The following SPRED2 variants were observed in gnomAD, a reference collection of about 807,000 sequenced individuals.
SPRED2 encodes sprouty-related, EVH1 domain-containing protein 2.
Under a neutral mutation model 43.0 loss-of-function variants are expected in SPRED2, and 47 were observed. The ratio of observed to expected loss-of-function variants is 1.09; its 90% CI spans 0.87 to 1.40. The LOEUF is 1.40. SPRED2 is among the 40% of genes most tolerant of loss of function. The probability of loss-of-function intolerance (pLI) is 0.00; values close to 1 mark genes in which losing one functional copy is unlikely to be tolerated. For synonymous variants in SPRED2, 225 were observed against 225.7 expected (o/e 1.00, Z 0.03); for missense variants, 561 against 586.4 (o/e 0.96, Z 0.45).
chr2:65,371,946 G>T (rs1305164134), intron 1 of SPRED2, among the ~76,000 whole-genome samples: 1 of 152,150 alleles, frequency 6.6e-6, no homozygotes, highest in African/African-American at 2.4e-5. Context: ...TGTGGTGGAT[G>T]CCTGTAATCC....
intron 4 of SPRED2, among the ~76,000 whole-genome samples, chr2:65,320,178 C>T (rs1363669758): frequency 2.0e-5 from 3 of 152,164 alleles, no homozygotes; most frequent in Non-Finnish European, 4.4e-5. Flanking sequence ...TATCCAACAG[C>T]CACGTTACAG....
At chr2:65,428,554 A>G (rs1490315624) in intron 1 of SPRED2, among the ~76,000 whole-genome samples, 1 of 152,380 alleles carries the variant, frequency 6.6e-6, no homozygotes, top group East Asian at 1.9e-4. Flanking sequence ...AGTAAGCTCA[A>G]ATATTTAGGT....
At chr2:65,356,532 CCCTCTTTTT>C (rs1674653709) in intron 1 of SPRED2, among the ~76,000 whole-genome samples, 4 of 52,484 alleles carry the variant, frequency 7.6e-5, no homozygotes, top group African/African-American at 1.2e-4. Context: ...TTCCCCAGTT[CCCTCTTTTT>C]TTTTTTTTTT....
At chr2:65,421,159 AAAAG>A (rs546910105) in intron 1 of SPRED2, among the ~76,000 whole-genome samples, 11 of 152,240 alleles carry the variant, frequency 7.2e-5, no homozygotes, top group African/African-American at 2.6e-4. Flanking sequence ...CAGCCATAAA[AAAAG>A]AAAAAATTCT....
intron 2 of SPRED2, among the ~76,000 whole-genome samples, chr2:65,340,908 AG>A (rs1270823838): frequency 6.6e-6 from 1 of 152,110 alleles, no homozygotes; most frequent in Non-Finnish European, 1.5e-5. Context: ...CACCTTTTAG[AG>A]GGGGGTTCCT....
intron 1 of SPRED2, among the ~76,000 whole-genome samples, chr2:65,411,886 TGGGGGCCGAG>T (rs1237748512): frequency 6.6e-6 from 1 of 151,994 alleles, no homozygotes; most frequent in African/African-American, 2.4e-5. Context: ...CCCAGCACTT[TGGGGGCCGAG>T]GCAGGCGGAT....
chr2:65,369,253 A>T (rs905287819), intron 1 of SPRED2, among the ~76,000 whole-genome samples: 3 of 143,440 alleles, frequency 2.1e-5, no homozygotes, highest in African/African-American at 7.3e-5. Flanking sequence ...ATAAGGGGAG[A>T]CACATACATA....
intron 1 of SPRED2, among the ~76,000 whole-genome samples, chr2:65,380,998 G>C (rs1461994056): frequency 6.6e-6 from 1 of 152,160 alleles, no homozygotes; most frequent in Non-Finnish European, 1.5e-5. Context: ...AGTTCTCTGA[G>C]GAAGGCGCTC....
intron 4 of SPRED2, among the ~76,000 whole-genome samples, chr2:65,322,290 A>ATTTT (rs1346549604): frequency 1.6e-4 from 13 of 78,950 alleles, no homozygotes; most frequent in African/African-American, 4.9e-4. Flanking sequence ...ATATATATAT[A>ATTTT]TATATTTTTT....
At chr2:65,321,244 C>T (rs551505307) in intron 4 of SPRED2, among the ~76,000 whole-genome samples, 9 of 152,300 alleles carry the variant, frequency 5.9e-5, no homozygotes, top group African/African-American at 2.2e-4. Flanking sequence ...GCATTGCCAT[C>T]TGGCCCCAGC....
chr2:65,370,729 C>T (rs117402677), intron 1 of SPRED2, among the ~76,000 whole-genome samples: 1 of 152,282 alleles, frequency 6.6e-6, no homozygotes, highest in East Asian at 1.9e-4. Context: ...TTCTGTCTTG[C>T]GGTAGGAGGG....
intron 1 of SPRED2, among the ~76,000 whole-genome samples, chr2:65,404,819 C>T (rs975793839): frequency 1.1e-4 from 16 of 152,282 alleles, no homozygotes; most frequent in African/African-American, 3.8e-4. Context: ...CATGTACTAC[C>T]TCCCCAGCAT....
At position 65,311,093 on chromosome 2, in the gene SPRED2, C is replaced by T; in HGVS notation, c.*2408G>A. The T allele has an allele frequency of 1.0e-6, 1 of 985,658 alleles. No individual in the cohort carries two copies. Among genetic ancestry groups the T allele is most frequent in the Non-Finnish European group, 1.2e-6 (1 of 829,892 alleles). 61.1% of individuals were successfully genotyped at this position (985,658 alleles called of 1,614,324 possible). A position where few individuals can be genotyped will look rare whatever the true frequency, so the allele number is the denominator to read the frequency against. ...TTAATTTGTTAATGTGAGCAAATAG[C>T]TTGGGGGGTCGGGGAGGCTTCTGGA... is the stretch of plus-strand genomic sequence containing the variant. On this transcript the variant is annotated 3_prime_UTR_variant, in exon 6 of 6. Transcript: ENST00000356388.
chr2:65,342,784 A>G (rs1674232727), intron 2 of SPRED2, among the ~76,000 whole-genome samples: 1 of 152,194 alleles, frequency 6.6e-6, no homozygotes, highest in Non-Finnish European at 1.5e-5. Context: ...CTTGAAAGAG[A>G]ATGTTTAAGG....
At chr2:65,422,131 CTCTCTT>C (rs1330827765) in intron 1 of SPRED2, among the ~76,000 whole-genome samples, 1 of 149,338 alleles carries the variant, frequency 6.7e-6, no homozygotes, top group African/African-American at 2.5e-5. Flanking sequence ...CTCTCTCTCT[CTCTCTT>C]ACCCTCACTC....
At chr2:65,378,490 G>A (rs749229899) in intron 1 of SPRED2, among the ~76,000 whole-genome samples, 28 of 152,174 alleles carry the variant, frequency 1.8e-4, no homozygotes, top group Non-Finnish European at 3.5e-4. Flanking sequence ...TGACAGCTGG[G>A]TGATGAGTAC....
intron 1 of SPRED2, among the ~76,000 whole-genome samples, chr2:65,401,125 G>A (rs1415802268): frequency 6.6e-6 from 1 of 151,610 alleles, no homozygotes; most frequent in Non-Finnish European, 1.5e-5. Flanking sequence ...ACCACACCAC[G>A]CCTGGCAATT....
chr2:65,361,717 T>G (rs1674819647), intron 1 of SPRED2, among the ~76,000 whole-genome samples: 1 of 152,250 alleles, frequency 6.6e-6, no homozygotes, highest in African/African-American at 2.4e-5. Context: ...AGGGGCTGTT[T>G]TATTTTTCTT....
rs1668890480 is a variant in SPRED2 at position 65,432,157 on chromosome 2, G to A, written c.-170C>T. On this transcript the variant is annotated 5_prime_UTR_variant, in exon 1 of 6. Transcript: ENST00000356388. ...AGAAGGGGAAGCAGGGCGCGGGATA[G>A]GGTTTGGGGGAAGGGGTGCAAAGGC... 1.0e-5 allele frequency: 8 copies of A among 786,936 alleles called. No homozygotes were observed. The highest frequency in any genetic ancestry group is 1.7e-5 in the Non-Finnish European group (8 of 482,390). The allele number at this position is 786,936 out of a possible 1,614,324, so 48.7% of individuals were successfully genotyped here.
Sources: allele counts gnomAD v4.1 joint callset (sites outside exome capture counted in the v4.1 genomes callset), GRCh38; gene constraint gnomAD v4.1.1; transcripts MANE v1.5; gene names NCBI Gene and HGNC (gene_info 2026-07-23, HGNC 2026-07-21).